PAPOLG: variants seen among roughly 807,000 people sequenced by gnomAD.
PAPOLG encodes PAP-gamma.
Under a neutral mutation model 99.0 loss-of-function variants are expected in PAPOLG, and 40 were observed. The ratio of observed to expected loss-of-function variants is 0.40; its 90% CI spans 0.31 to 0.53. The LOEUF (loss-of-function observed/expected upper bound fraction) is 0.53, where lower values mean the gene tolerates loss of function less well. Among genes scored for constraint, PAPOLG ranks in the 20% least tolerant of loss-of-function variants. The pLI is 0.41. For synonymous variants in PAPOLG, 310 were observed against 299.3 expected, an observed-to-expected ratio of 1.04 and a Z score of -0.37; for missense variants, 675 against 884.1, an observed-to-expected ratio of 0.76 and a Z score of 3.00.
rs1671761933 is a variant in PAPOLG, at chr2:60,797,940, T to G, written c.*780T>G. On this transcript the variant is annotated 3_prime_UTR_variant, in exon 22 of 22. Coordinates refer to ENST00000238714, the MANE Select transcript of PAPOLG (RefSeq NM_022894.4). ...AACCAGGATACTGAAAGTCAGTATATGAATGGTAAAATTGTTACATATCCT... is the reference window on the plus strand; with the variant it reads ...AACCAGGATACTGAAAGTCAGTATAGGAATGGTAAAATTGTTACATATCCT... 6.5e-6 allele frequency: 1 copy of G among 152,826 alleles called. No homozygotes were observed. The highest frequency in any genetic ancestry group is 1.5e-5 in the Non-Finnish European group (1 of 68,044). 9.5% of individuals were successfully genotyped at this position (152,826 alleles called of 1,614,324 possible).
chr2:60,769,716 A>G (rs1037607654), intron 5 of PAPOLG, among the ~76,000 whole-genome samples: 14 of 152,194 alleles, frequency 9.2e-5, no homozygotes, highest in African/African-American at 3.1e-4. Flanking sequence ...ACTCGAAATT[A>G]TAAGTACCCA....
chr2:60,796,233 T>C (rs918635246), intron 21 of PAPOLG, among the ~76,000 whole-genome samples: 1 of 124,122 alleles, frequency 8.1e-6, no homozygotes, highest in Non-Finnish European at 1.7e-5. Context: ...TTTTTTTTTT[T>C]TGGACATGGA....
At position 60,799,823 on chromosome 2, in the gene PAPOLG, C is replaced by G. The variant is rs1573266443; in HGVS notation, c.*2663C>G. ...TATTTTTAGTACAGACAGCGTTTCA[C>G]CATGTTGGCCAGGCTGGTCTCGAAC... On this transcript the variant is annotated 3_prime_UTR_variant, in exon 22 of 22. Coordinates refer to ENST00000238714, the MANE Select transcript of PAPOLG (RefSeq NM_022894.4). 6.6e-6 allele frequency: 1 copy of G among 152,214 alleles called. No homozygotes were observed. Among genetic ancestry groups the G allele is most frequent in the East Asian group, 1.9e-4 (1 of 5,176 alleles). 9.4% of individuals were successfully genotyped at this position (152,214 alleles called of 1,614,324 possible).
intron 6 of PAPOLG, among the ~76,000 whole-genome samples, chr2:60,771,227 T>C (rs570396482): frequency 1.3e-5 from 2 of 152,326 alleles, no homozygotes; most frequent in East Asian, 3.9e-4. Flanking sequence ...AATGTAAATG[T>C]GTGTTGGATC....
At chr2:60,759,998 A>C in intron 1 of PAPOLG, 136 bp from the exon 2 acceptor site, 1 of 810,638 alleles carries the variant, frequency 1.2e-6, no homozygotes, top group Non-Finnish European at 1.9e-6. Context: ...TTTACAAGAA[A>C]GTGTCTGCCA....
At chr2:60,794,365 G>A (rs868453137) in intron 19 of PAPOLG, 174 bp downstream of exon 19, 9 of 706,082 alleles carry the variant, frequency 1.3e-5, no homozygotes, top group Admixed American at 3.2e-5. Flanking sequence ...TTACTAATAC[G>A]TCTGAAAATT....
chr2:60,797,331 C>G lies in PAPOLG; in HGVS notation c.*171C>G, dbSNP rs1468994280. 4.2e-6 allele frequency: 3 copies of G among 715,226 alleles called. No individual in the cohort carries two copies. Among genetic ancestry groups the G allele is most frequent in the Non-Finnish European group, 6.9e-6 (3 of 435,430 alleles). 44.3% of individuals were successfully genotyped at this position (715,226 alleles called of 1,614,324 possible). On this transcript the variant is annotated 3_prime_UTR_variant, in exon 22 of 22. Coordinates refer to ENST00000238714, the MANE Select transcript of PAPOLG (RefSeq NM_022894.4). Reference sequence around the variant, plus strand: ...ACTGTCAAACTTTGACCTGTAGATGCTGTAGCATTCTCTCACTGATTGCTA... The same window carrying G: ...ACTGTCAAACTTTGACCTGTAGATGGTGTAGCATTCTCTCACTGATTGCTA...
chr2:60,771,895 GC>G (rs926489103), intron 7 of PAPOLG, among the ~76,000 whole-genome samples: 3 of 152,006 alleles, frequency 2.0e-5, no homozygotes, highest in Non-Finnish European at 4.4e-5. Flanking sequence ...ACCCCAAAAA[GC>G]TTTTGTTTAT....
chr2:60,786,228 TTTTA>T (rs760888141), intron 13 of PAPOLG, among the ~76,000 whole-genome samples: 41 of 152,144 alleles, frequency 2.7e-4, no homozygotes, highest in African/African-American at 9.9e-4. Context: ...GAAATTTTTA[TTTTA>T]TTTATTTATT....
intron 1 of PAPOLG, among the ~76,000 whole-genome samples, chr2:60,758,404 C>G (rs1670418863): frequency 1.6e-5 from 2 of 127,820 alleles, no homozygotes; most frequent in South Asian, 5.1e-4. Context: ...GATTCTTTCT[C>G]CCTCTCTGCC....
At chr2:60,795,057 G>A in intron 21 of PAPOLG, 37 bp downstream of exon 21, 3 of 1,525,528 alleles carry the variant, frequency 2.0e-6, no homozygotes, top group Non-Finnish European at 2.7e-6. Flanking sequence ...ACAGTACATA[G>A]GTAAAAACTC....
At chr2:60,768,427 A>T in intron 3 of PAPOLG, 43 bp from the exon 4 acceptor site, 1 of 1,600,130 alleles carries the variant, frequency 6.2e-7, no homozygotes, top group Non-Finnish European at 8.6e-7. Context: ...TTTATGCTAA[A>T]TAATTTGAAT....
chr2:60,795,394 A>G (rs1573261367), intron 21 of PAPOLG: 2 of 421,866 alleles, frequency 4.7e-6, no homozygotes, highest in Non-Finnish European at 9.3e-6. Context: ...ATAATTAGGA[A>G]CCATATGTAT....
intron 1 of PAPOLG, among the ~76,000 whole-genome samples, chr2:60,758,777 G>C (rs919411740): frequency 6.6e-6 from 1 of 152,092 alleles, no homozygotes; most frequent in African/African-American, 2.4e-5. Context: ...TGTGTACTTA[G>C]TAGTGGTAAG....
At position 60,801,895 on chromosome 2, in the gene PAPOLG, A is replaced by G. The variant is rs1341715421; in HGVS notation, c.*4735A>G. The G allele has an allele frequency of 6.6e-6, 1 of 152,370 alleles. No individual in the cohort carries two copies. The highest frequency in any genetic ancestry group is 6.5e-5 in the Admixed American group (1 of 15,282). The allele number at this position is 152,370 out of a possible 1,614,324, so 9.4% of individuals were successfully genotyped here. On this transcript the variant is annotated 3_prime_UTR_variant, in exon 22 of 22. Transcript: ENST00000238714. ...AGAAAGTACTTAGGATATCTTTGAG[A>G]TTAATGGTGCTACATCACTCTACAG...
intron 19 of PAPOLG, 36 bp downstream of exon 19, chr2:60,794,227 A>T: frequency 6.4e-7 from 1 of 1,570,356 alleles, no homozygotes; most frequent in Non-Finnish European, 8.7e-7. Context: ...TCAGTAGTTG[A>T]TATTTTTTAT....
intron 21 of PAPOLG, chr2:60,795,427 G>T: frequency 2.7e-6 from 1 of 371,496 alleles, no homozygotes; most frequent in Non-Finnish European, 5.3e-6. Context: ...GGAACCAAAT[G>T]TAGTGGTATA....
At chr2:60,759,378 A>G (rs1489126951) in intron 1 of PAPOLG, among the ~76,000 whole-genome samples, 1 of 151,880 alleles carries the variant, frequency 6.6e-6, no homozygotes, top group East Asian at 1.9e-4. Context: ...AAAAAAAAAA[A>G]GAAAAAAAAG....
At chr2:60,771,734 T>C (rs1670856960) in intron 7 of PAPOLG, 104 bp downstream of exon 7, 7 of 1,282,584 alleles carry the variant, frequency 5.5e-6, no homozygotes, top group Non-Finnish European at 7.5e-6. Flanking sequence ...TGGACTCAGT[T>C]TAAAATGTAA....
Sources: gnomAD v4.1 joint callset for allele counts (sites outside exome capture counted in the v4.1 genomes callset) on GRCh38, gnomAD v4.1.1 for gene constraint, MANE v1.5 for transcripts, NCBI Gene and HGNC (gene_info 2026-07-23, HGNC 2026-07-21) for gene names.